SS18L1: variants seen among roughly 807,000 people sequenced by gnomAD.
SS18L1 encodes calcium-responsive transactivator.
A neutral mutation model predicts 70.3 loss-of-function variants in SS18L1; 32 were observed. That is an observed-to-expected ratio of 0.46 (90% CI 0.34 to 0.61). SS18L1 has a LOEUF of 0.61. Among genes scored for constraint, SS18L1 ranks in the 20% least tolerant of loss-of-function variants. The pLI is 0.01. For missense variants in SS18L1, 430 were observed against 542.1 expected (o/e 0.79, Z 2.05); for synonymous variants, 237 against 229.7 (o/e 1.03, Z -0.29).
At position 62,163,488 on chromosome 20, in the gene SS18L1, C is replaced by T. The variant is rs1373020381; in HGVS notation, c.587C>T (p.Ser196Leu). 8 of 1,612,124 alleles carry T rather than the reference C, an allele frequency of 5.0e-6. No homozygotes were observed. The highest frequency in any genetic ancestry group is 2.2e-5 in the South Asian group (2 of 91,070). Residue 196 changes from serine to leucine, a missense_variant, in exon 6 of 11, where the codon TCG becomes TTG. Coordinates refer to ENST00000331758, the MANE Select transcript of SS18L1 (RefSeq NM_198935.3). ...ATGATGCAGCAGCAGGCGGCCACGT[C>T]GCACTACAGCTCGGCGCAGGGCGGC... ...VSMMQQQAAT[S>L]HYSSAQGGSQ...
chr20:62,175,197 C>A, intron 10 of SS18L1: 1 of 975,586 alleles, frequency 1.0e-6, no homozygotes, highest in Non-Finnish European at 1.2e-6. Context: ...GCCCTTTCTG[C>A]CCAGGAACAG....
intron 10 of SS18L1, 35 bp from the exon 11 acceptor site, chr20:62,179,147 T>C: frequency 1.2e-6 from 2 of 1,613,404 alleles, no homozygotes; most frequent in South Asian, 2.2e-5. Context: ...CACTCATTAC[T>C]ATAGGGGTGT....
chr20:62,161,086 G>C lies in SS18L1; in HGVS notation c.232-350G>C, dbSNP rs1601018306. Among the ~76,000 whole-genome samples, 1 of 151,850 alleles carries C rather than the reference G, an allele frequency of 6.6e-6. No individual in the cohort carries two copies. The highest frequency in any genetic ancestry group is 1.5e-5 in the Non-Finnish European group (1 of 67,986). Reference sequence around the variant, plus strand: ...CGTGGTTGGGGAGCACAGAGGCGCTGGTCACCTGCGCCCGAGGGGGACGGG... The same window carrying C: ...CGTGGTTGGGGAGCACAGAGGCGCTCGTCACCTGCGCCCGAGGGGGACGGG... On this transcript the variant is annotated intron_variant, in intron 3 of 10. Coordinates refer to ENST00000331758, the MANE Select transcript of SS18L1 (RefSeq NM_198935.3). This position sits in a 1 kb window ranked among gnomAD's most constrained non-coding sequence, Gnocchi z 4.4.
Position 62,174,346 on chromosome 20 carries a change from G to A in SS18L1, c.1037-171G>A, listed in dbSNP as rs1290405168. ...GGTGCTCTCGCTGTACAGAGTTAAC[G>A]TGGAGCCACGTGCAGGTGCCAGGTG... On this transcript the variant is annotated intron_variant, in intron 9 of 10. Coordinates refer to ENST00000331758, the MANE Select transcript of SS18L1 (RefSeq NM_198935.3). This position sits in a 1 kb window ranked among gnomAD's most constrained non-coding sequence, Gnocchi z 4.1. Among the ~76,000 whole-genome samples, 15 of 129,720 alleles carry A rather than the reference G, an allele frequency of 1.2e-4. No individual in the cohort carries two copies. The highest frequency in any genetic ancestry group is 1.5e-4 in the Non-Finnish European group (10 of 67,242). 85.1% of individuals were successfully genotyped at this position (129,720 alleles called of 152,430 possible).
chr20:62,175,215 G>A, intron 10 of SS18L1: 1 of 982,846 alleles, frequency 1.0e-6, no homozygotes, highest in Non-Finnish European at 1.2e-6. Context: ...CAGTGAGCAG[G>A]GCTTTGAAGG....
intron 7 of SS18L1, among the ~76,000 whole-genome samples, chr20:62,164,792 G>T (rs1199016889): frequency 6.6e-6 from 1 of 152,212 alleles, no homozygotes; most frequent in African/African-American, 2.4e-5. Flanking sequence ...ACTTTGGGAG[G>T]CTGAGGCAGG....
In SS18L1 at chr20:62,162,869, A is replaced by C; in HGVS notation, c.494A>C (p.Gln165Pro). 6.2e-7 allele frequency: 1 copy of C among 1,612,860 alleles called. No homozygotes were observed. Among genetic ancestry groups the C allele is most frequent in the Non-Finnish European group, 8.5e-7 (1 of 1,179,932 alleles). ...AGPASQGVPM[Q>P]GQGTIGNYVS... ...CCCGCCTCGCAGGGCGTCCCCATGC[A>C]GGGGCAAGGCACCATCGGCAACTAC... The change falls in exon 5 of 11, where the codon CAG becomes CCG. Residue 165 changes from glutamine to proline, a missense_variant. Coordinates refer to ENST00000331758, the MANE Select transcript of SS18L1 (RefSeq NM_198935.3).
At chr20:62,148,226 GCCT>G (rs2145691191) in intron 1 of SS18L1, among the ~76,000 whole-genome samples, 1 of 152,350 alleles carries the variant, frequency 6.6e-6, no homozygotes, top group Admixed American at 6.5e-5. Flanking sequence ...GCCTTGCTCG[GCCT>G]CCTTGCTGTC....
rs557122568 is a variant in SS18L1, at chr20:62,155,544, T to A, written c.70-3128T>A. The stretch of plus-strand genomic sequence containing the variant: ...CCGCACCGCTGTGGCTTCTGCGGAT[T>A]GGAGGCCGGGGCACTGCCTGCTATG... On this transcript the variant is annotated intron_variant, in intron 1 of 10. Coordinates refer to ENST00000331758, the MANE Select transcript of SS18L1 (RefSeq NM_198935.3). Among the ~76,000 whole-genome samples, 20 of 152,350 alleles carry A rather than the reference T, an allele frequency of 1.3e-4. No homozygotes were observed. The East Asian group carries it at 3.1e-3, about 23-fold the overall frequency.
chr20:62,159,361 C>T lies in SS18L1; in HGVS notation c.147-516C>T, dbSNP rs550568584. On this transcript the variant is annotated intron_variant, in intron 2 of 10. Coordinates refer to ENST00000331758, the MANE Select transcript of SS18L1 (RefSeq NM_198935.3). This position sits in a 1 kb window ranked among gnomAD's most constrained non-coding sequence, Gnocchi z 4.4. ...GAAGTGCGTGAATGGCCTCAGACAC[C>T]CCTGGGTGTGGGTGGGGTGAAGGGA... 3.9e-4 allele frequency among the ~76,000 whole-genome samples: 59 copies of T among 152,304 alleles called. No individual in the cohort carries two copies. Among genetic ancestry groups the T allele is most frequent in the Non-Finnish European group, 6.6e-4 (45 of 68,022 alleles).
At chr20:62,147,497 T>C (rs2057052814) in intron 1 of SS18L1, among the ~76,000 whole-genome samples, 1 of 152,218 alleles carries the variant, frequency 6.6e-6, no homozygotes, top group Non-Finnish European at 1.5e-5. Flanking sequence ...AGGGGACCCC[T>C]GAGTTGCCTC....
At chr20:62,160,276 A>G (rs866629618) in intron 3 of SS18L1, among the ~76,000 whole-genome samples, 35 of 80,848 alleles carry the variant, frequency 4.3e-4, no homozygotes, top group Non-Finnish European at 6.6e-4. Flanking sequence ...GAGAGGTGGG[A>G]TGGGGAGAGG....
chr20:62,178,735 G>A (rs2057663730), intron 10 of SS18L1, among the ~76,000 whole-genome samples: 1 of 152,202 alleles, frequency 6.6e-6, no homozygotes, highest in Non-Finnish European at 1.5e-5. Context: ...TTGTAGAGAT[G>A]GAGTCTGGCC....
intron 1 of SS18L1, among the ~76,000 whole-genome samples, chr20:62,149,271 A>C (rs1362523270): frequency 6.6e-6 from 1 of 152,226 alleles, no homozygotes; most frequent in East Asian, 1.9e-4. Flanking sequence ...GAGGGAGTGC[A>C]GGTCTTCCCG....
intron 1 of SS18L1, among the ~76,000 whole-genome samples, chr20:62,156,162 C>T (rs1336855756): frequency 2.6e-5 from 4 of 152,292 alleles, no homozygotes; most frequent in South Asian, 2.1e-4. Context: ...CGGCCCATCC[C>T]GGCCCCGTGC....
intron 8 of SS18L1, among the ~76,000 whole-genome samples, chr20:62,167,940 C>T (rs1241801166): frequency 6.7e-6 from 1 of 149,036 alleles, no homozygotes; most frequent in East Asian, 2.0e-4. Context: ...TTCAGCCTCT[C>T]GAATTGCTGG....
intron 8 of SS18L1, among the ~76,000 whole-genome samples, chr20:62,166,295 C>T (rs116298635): frequency 0.022 from 3,392 of 152,286 alleles, 123 homozygotes; most frequent in African/African-American, 0.076. Context: ...TGACGCTGAC[C>T]GGCAGGCAGC....
At chr20:62,163,015 G>A (rs769738288) in intron 5 of SS18L1, 84 bp downstream of exon 5, 201 of 1,518,980 alleles carry the variant, frequency 1.3e-4, no homozygotes, top group Non-Finnish European at 1.6e-4. Context: ...ATGTGGTCCC[G>A]GGGAAGCTGC....
intron 1 of SS18L1, chr20:62,154,398 G>T (rs1268344380): frequency 5.7e-6 from 6 of 1,047,894 alleles, no homozygotes; most frequent in Non-Finnish European, 6.9e-6. Flanking sequence ...TGCGGTTTCG[G>T]CGGACTAGAA....
Sources: allele counts gnomAD v4.1 joint callset (sites outside exome capture counted in the v4.1 genomes callset), GRCh38; gene constraint gnomAD v4.1.1; non-coding constraint Gnocchi (gnomAD v3.1); transcripts MANE v1.5; gene names NCBI Gene and HGNC (gene_info 2026-07-23, HGNC 2026-07-21).